Variants in GRM8 observed in about 807,000 individuals in gnomAD.
GRM8 encodes the protein metabotropic glutamate receptor 8.
Under a neutral mutation model 87.2 loss-of-function variants are expected in GRM8, and 47 were observed. That is an observed-to-expected ratio of 0.54 (90% CI 0.43 to 0.69). The LOEUF is 0.69. Ranked by LOEUF, GRM8 falls within the 30% of genes least tolerant of loss-of-function variation. GRM8 has a pLI of 0.00. For synonymous variants in GRM8, 396 were observed against 404.5 expected, an observed-to-expected ratio of 0.98 and a Z score of 0.25; for missense variants, 1,019 against 1,139.2, an observed-to-expected ratio of 0.89 and a Z score of 1.52.
At chr7:127,071,200 G>C (rs759736718) in intron 3 of GRM8, among the ~76,000 whole-genome samples, 3 of 151,904 alleles carry the variant, frequency 2.0e-5, no homozygotes, top group Non-Finnish European at 2.9e-5. Flanking sequence ...TCTCTTCATC[G>C]TGGCTGGGGA....
At chr7:127,145,362 A>G (rs544057757) in intron 2 of GRM8, among the ~76,000 whole-genome samples, 1 of 152,248 alleles carries the variant, frequency 6.6e-6, no homozygotes, top group South Asian at 2.1e-4. Context: ...AGCAAGTGAT[A>G]GCATAATTGT....
intron 9 of GRM8, among the ~76,000 whole-genome samples, chr7:126,507,901 T>C (rs556827777): frequency 7.2e-5 from 11 of 151,998 alleles, no homozygotes; most frequent in Non-Finnish European, 1.6e-4. Flanking sequence ...ACTCCATTTC[T>C]ATTAGTCCAA....
At chr7:127,238,497 T>C (rs1368855707) in intron 2 of GRM8, among the ~76,000 whole-genome samples, 1 of 152,202 alleles carries the variant, frequency 6.6e-6, no homozygotes, top group African/African-American at 2.4e-5. Context: ...CATCATTCAC[T>C]GGATCCTGCC....
chr7:126,763,478 C>T (rs62479783), intron 7 of GRM8, among the ~76,000 whole-genome samples: 12,967 of 87,348 alleles, frequency 0.15, 652 homozygotes, highest in Non-Finnish European at 0.21. Context: ...TATATACACA[C>T]ACACACACAC....
At chr7:127,245,280 G>A (rs181754167) in intron 1 of GRM8, among the ~76,000 whole-genome samples, 135 of 152,360 alleles carry the variant, frequency 8.9e-4, no homozygotes, top group African/African-American at 3.0e-3. Flanking sequence ...CACTAGTTGA[G>A]AATTTGAGAC....
chr7:126,933,144 C>T (rs1805938752), intron 3 of GRM8, among the ~76,000 whole-genome samples: 1 of 152,220 alleles, frequency 6.6e-6, no homozygotes. Flanking sequence ...CCTTCAGCAT[C>T]ACAAACACAG....
At chr7:126,939,718 T>C (rs751532007) in intron 3 of GRM8, among the ~76,000 whole-genome samples, 2 of 152,172 alleles carry the variant, frequency 1.3e-5, no homozygotes, top group Non-Finnish European at 2.9e-5. Context: ...TCTCTCCCAA[T>C]CTCAGTAGAT....
intron 6 of GRM8, among the ~76,000 whole-genome samples, chr7:126,845,116 G>A (rs1796600093): frequency 3.3e-5 from 5 of 152,202 alleles, no homozygotes; most frequent in Admixed American, 2.6e-4. Flanking sequence ...CAGAGGCATG[G>A]AGGTTGGTTA....
intron 3 of GRM8, among the ~76,000 whole-genome samples, chr7:127,102,546 G>A (rs576699072): frequency 1.3e-5 from 2 of 152,156 alleles, no homozygotes; most frequent in South Asian, 4.1e-4. Context: ...CTCTAGCCTT[G>A]GCTCAGAGGG....
intron 6 of GRM8, among the ~76,000 whole-genome samples, chr7:126,775,861 G>A (rs1819415923): frequency 6.6e-6 from 1 of 151,960 alleles, no homozygotes; most frequent in African/African-American, 2.4e-5. Flanking sequence ...CTGTAATGGG[G>A]TTCCTCATCC....
intron 3 of GRM8, chr7:127,076,248 G>GA (rs780181178): frequency 8.0e-5 from 36 of 448,542 alleles, no homozygotes; most frequent in East Asian, 4.9e-4. Context: ...TGAGGACAAG[G>GA]AAAGAAAAAT....
intron 3 of GRM8, among the ~76,000 whole-genome samples, chr7:127,056,057 T>C (rs1037541783): frequency 3.3e-5 from 5 of 151,710 alleles, no homozygotes; most frequent in African/African-American, 9.7e-5. Flanking sequence ...AATAAAGTTA[T>C]TAAAATTTTG....
At chr7:126,715,564 G>T (rs1401218613) in intron 7 of GRM8, among the ~76,000 whole-genome samples, 2 of 152,012 alleles carry the variant, frequency 1.3e-5, no homozygotes, top group Non-Finnish European at 2.9e-5. Context: ...CTACCTTTCT[G>T]ATTTTTTGCT....
intron 3 of GRM8, among the ~76,000 whole-genome samples, chr7:127,026,388 G>A (rs1246815005): frequency 6.6e-6 from 1 of 152,078 alleles, no homozygotes; most frequent in Admixed American, 6.5e-5. Flanking sequence ...TGGGTCAAAT[G>A]GTATTTCTAG....
intron 8 of GRM8, among the ~76,000 whole-genome samples, chr7:126,536,325 G>T (rs992889905): frequency 6.6e-6 from 1 of 152,212 alleles, no homozygotes; most frequent in Non-Finnish European, 1.5e-5. Flanking sequence ...TAGGGTGAAT[G>T]GTTGAGGCCA....
At position 127,106,529 on chromosome 7, in the gene GRM8, C is replaced by T. The variant is rs751252404; in HGVS notation, c.694G>A (p.Val232Met). 8 of 1,614,008 alleles carry T rather than the reference C, an allele frequency of 5.0e-6. No homozygotes were observed. In the South Asian group the frequency reaches 8.8e-5, roughly 18 times the overall value. ...CTCGAGATCTGGGTGAAGGCCTCCA[C>T]ACCGCTCTCACCATAGTTCCCCTCA... ...ASEGNYGESG[V>M]EAFTQISREI... The change falls in exon 3 of 11, where the codon GTG (valine) becomes ATG (methionine). Residue 232 changes from valine to methionine, a missense_variant. Coordinates refer to ENST00000339582, the MANE Select transcript of GRM8 (RefSeq NM_000845.3).
chr7:127,082,636 C>A (rs1292276270), intron 3 of GRM8, among the ~76,000 whole-genome samples: 6 of 152,154 alleles, frequency 3.9e-5, no homozygotes, highest in Non-Finnish European at 5.9e-5. Context: ...TAAATCTCTC[C>A]TGGGAAAGTA....
intron 3 of GRM8, among the ~76,000 whole-genome samples, chr7:127,046,296 C>T (rs966652816): frequency 6.6e-6 from 1 of 151,794 alleles, no homozygotes; most frequent in African/African-American, 2.4e-5. Context: ...GGCGTGAACC[C>T]GGGAGGCGGA....
At chr7:127,094,740 C>T (rs10954144) in intron 3 of GRM8, among the ~76,000 whole-genome samples, 23,149 of 152,184 alleles carry the variant, frequency 0.15, 2,010 homozygotes, top group East Asian at 0.2. Context: ...CAAACTAATA[C>T]AGTTGGCAAT....
Sources: gnomAD v4.1 joint callset for allele counts (sites outside exome capture counted in the v4.1 genomes callset) on GRCh38, gnomAD v4.1.1 for gene constraint, MANE v1.5 for transcripts, NCBI Gene and HGNC (gene_info 2026-07-23, HGNC 2026-07-21) for gene names.